MGRN1: variants seen among roughly 807,000 people sequenced by gnomAD.
MGRN1 encodes the protein E3 ubiquitin-protein ligase MGRN1.
A neutral mutation model predicts 69.2 loss-of-function variants in MGRN1; 29 were observed. That is an observed-to-expected ratio of 0.42 (90% CI 0.31 to 0.57). The LOEUF is 0.57. MGRN1 is among the 20% of genes least tolerant of loss of function. MGRN1 has a pLI of 0.15. For synonymous variants in MGRN1, 470 were observed against 344.2 expected (o/e 1.37, Z -4.04); for missense variants, 998 against 796.2 (o/e 1.25, Z -3.05).
intron 11 of MGRN1, among the ~76,000 whole-genome samples, chr16:4,677,849 T>C (rs2079087749): frequency 6.7e-6 from 1 of 148,364 alleles, no homozygotes; most frequent in Admixed American, 6.7e-5. Flanking sequence ...TTTTTTTTTT[T>C]TTTTTCTTTT....
chr16:4,625,130 C>A, intron 1 of MGRN1, 82 bp downstream of exon 1: 1 of 1,293,550 alleles, frequency 7.7e-7, no homozygotes, highest in Non-Finnish European at 1.0e-6. Flanking sequence ...GGACTCGGGG[C>A]GGGGCGCCCT....
At chr16:4,648,862 G>A (rs1404126857) in intron 1 of MGRN1, among the ~76,000 whole-genome samples, 1 of 134,830 alleles carries the variant, frequency 7.4e-6, no homozygotes, top group African/African-American at 3.0e-5. Flanking sequence ...GTGGTCACCC[G>A]GCTCCTCCTC....
intron 8 of MGRN1, 139 bp downstream of exon 8, chr16:4,668,451 T>A: frequency 1.2e-6 from 1 of 840,718 alleles, no homozygotes; most frequent in Non-Finnish European, 1.9e-6. Context: ...TCATACACAT[T>A]CACTTGCACA....
At chr16:4,638,413 C>T (rs781778906) in intron 1 of MGRN1, among the ~76,000 whole-genome samples, 1 of 151,712 alleles carries the variant, frequency 6.6e-6, no homozygotes, top group East Asian at 1.9e-4. Flanking sequence ...TGCAGTGAGC[C>T]GTGATCGTAC....
Position 4,666,361 on chromosome 16 carries a change from G to T in MGRN1, c.678+1210G>T, listed in dbSNP as rs111732893. ...TGCCCAGGCTGGTCTCAAACTCCTG[G>T]CCTCAAGTGATCCTCCCACCTTGGC... On this transcript the variant is annotated intron_variant, in intron 7 of 16. Coordinates refer to ENST00000262370, the MANE Select transcript of MGRN1 (RefSeq NM_015246.4). Among the ~76,000 whole-genome samples, 1,371 of 152,130 alleles carry T rather than the reference G, an allele frequency of 9.0e-3. 19 individuals carry two copies. Among genetic ancestry groups the T allele is most frequent in the African/African-American group, 0.032 (1,337 of 41,514 alleles).
intron 1 of MGRN1, among the ~76,000 whole-genome samples, chr16:4,626,553 A>C (rs938249862): frequency 2.0e-5 from 3 of 152,194 alleles, no homozygotes; most frequent in African/African-American, 7.2e-5. Flanking sequence ...GGTAGCTGCT[A>C]CAATTGCTCA....
chr16:4,668,362 T>C lies in MGRN1; in HGVS notation c.726+50T>C, dbSNP rs747524178. 1.4e-5 allele frequency: 23 copies of C among 1,592,440 alleles called. No individual in the cohort carries two copies. In the African/African-American group the frequency reaches 1.5e-4, roughly 10 times the overall value. ...GTGCTTGAATTAAAAGACACACATA[T>C]ACAATCACTCACACGCATACTCATA... On this transcript the variant is annotated intron_variant, in intron 8 of 16. Coordinates refer to ENST00000262370, the MANE Select transcript of MGRN1 (RefSeq NM_015246.4).
rs367733514 is a variant in MGRN1 at position 4,657,239 on chromosome 16, C to T, written c.444-7C>T. 44 of 1,612,744 alleles carry T rather than the reference C, an allele frequency of 2.7e-5. No individual in the cohort carries two copies. The highest frequency in any genetic ancestry group is 3.5e-5 in the Non-Finnish European group (41 of 1,178,958). ...CAGCCTCACTGCTTGCTCCTGGCTCCCTGCAGATACAGCCCCAAGAGCCCC... is the reference window on the plus strand; with the variant it reads ...CAGCCTCACTGCTTGCTCCTGGCTCTCTGCAGATACAGCCCCAAGAGCCCC... On this transcript the variant is annotated splice_polypyrimidine_tract_variant and splice_region_variant and intron_variant, in intron 4 of 16. Transcript: ENST00000262370.
At chr16:4,642,920 T>G (rs1476921099) in intron 1 of MGRN1, among the ~76,000 whole-genome samples, 1 of 151,926 alleles carries the variant, frequency 6.6e-6, no homozygotes, top group Non-Finnish European at 1.5e-5. Context: ...CCGAGTACCT[T>G]GGACTGCAAG....
At chr16:4,653,340 C>A (rs185658078) in intron 4 of MGRN1, among the ~76,000 whole-genome samples, 8 of 152,290 alleles carry the variant, frequency 5.3e-5, no homozygotes, top group Admixed American at 2.6e-4. Flanking sequence ...TTCAGCAAAC[C>A]AGAAGCTCTC....
intron 7 of MGRN1, among the ~76,000 whole-genome samples, chr16:4,667,612 A>G (rs112622628): frequency 2.6e-5 from 4 of 152,168 alleles, no homozygotes; most frequent in African/African-American, 9.7e-5. Context: ...GTTAGAACCC[A>G]CCAGCCTCAC....
At chr16:4,673,003 T>C (rs1413460821) in intron 9 of MGRN1, among the ~76,000 whole-genome samples, 3 of 152,112 alleles carry the variant, frequency 2.0e-5, no homozygotes, top group Non-Finnish European at 2.9e-5. Context: ...CATGCCCGGC[T>C]AATTTTTTGT....
At chr16:4,658,914 C>G (rs757281889) in intron 5 of MGRN1, 3 of 151,968 alleles carry the variant, frequency 2.0e-5, no homozygotes, top group African/African-American at 2.4e-5. Flanking sequence ...GGAAGATCGC[C>G]TGAGCCTGGG....
chr16:4,668,285 T>G lies in MGRN1; in HGVS notation c.699T>G (p.Ser233=), dbSNP rs376367679. 1 of 1,614,112 alleles carries G rather than the reference T, an allele frequency of 6.2e-7. No individual in the cohort carries two copies. The highest frequency in any genetic ancestry group is 1.1e-5 in the South Asian group (1 of 91,078). ...AFEKHMDGSF[S]VKPLKQKQIV... ...TGCAGCACATGGACGGCAGCTTCTC[T>G]GTGAAGCCTTTAAAGCAGAAGCAAA... Residue 233 remains serine, a synonymous_variant, in exon 8 of 17, where the codon TCT becomes TCG. Transcript: ENST00000262370.
chr16:4,683,810 C>T (rs1175650799), intron 15 of MGRN1, 33 bp from the exon 16 acceptor site: 1 of 1,598,712 alleles, frequency 6.3e-7, no homozygotes, highest in East Asian at 2.2e-5. Flanking sequence ...TGGCCCCTGC[C>T]TGTAGGTCCC....
At chr16:4,683,335 C>T in intron 15 of MGRN1, 66 bp downstream of exon 15, 1 of 1,574,674 alleles carries the variant, frequency 6.4e-7, no homozygotes. Flanking sequence ...TTACTGGGGC[C>T]TTAGGGCTCC....
chr16:4,653,151 A>G (rs1596283253), intron 4 of MGRN1, among the ~76,000 whole-genome samples: 1 of 152,282 alleles, frequency 6.6e-6, no homozygotes, highest in South Asian at 2.1e-4. Flanking sequence ...CTTCTCAGCA[A>G]CCAGCCATAA....
intron 1 of MGRN1, among the ~76,000 whole-genome samples, 196 bp downstream of exon 1, chr16:4,625,244 G>GC (rs1567159274): frequency 5.9e-5 from 9 of 152,176 alleles, no homozygotes; most frequent in African/African-American, 2.2e-4. Context: ...TGCCCGAGCC[G>GC]TACCTGGCGC....
intron 1 of MGRN1, among the ~76,000 whole-genome samples, chr16:4,637,118 CAAAAAAAAAAAA>C (rs36033548): frequency 2.1e-5 from 1 of 48,506 alleles, no homozygotes; most frequent in African/African-American, 8.0e-5. Context: ...GACTCCATCT[CAAAAAAAAAAAA>C]AAAAAAAAAA....
Sources: allele counts gnomAD v4.1 joint callset (sites outside exome capture counted in the v4.1 genomes callset), GRCh38; gene constraint gnomAD v4.1.1; transcripts MANE v1.5; gene names NCBI Gene and HGNC (gene_info 2026-07-23, HGNC 2026-07-21).